The following GALNT15 variants were observed in gnomAD, a reference collection of about 807,000 sequenced individuals.
The protein encoded by GALNT15 is UDP-GalNAc transferase T15.
Under a neutral mutation model 66.8 loss-of-function variants are expected in GALNT15, and 67 were observed. That is an observed-to-expected ratio of 1.00 (90% CI 0.82 to 1.23). The LOEUF (loss-of-function observed/expected upper bound fraction) is 1.23. Among genes scored for constraint, GALNT15 ranks in the 50% most tolerant of loss-of-function variants. The pLI, the probability that GALNT15 is intolerant of heterozygous loss-of-function variation, is 0.00. For synonymous variants in GALNT15, 313 were observed against 311.5 expected, an observed-to-expected ratio of 1.00 and a Z score of -0.05; for missense variants, 827 against 804.3, an observed-to-expected ratio of 1.03 and a Z score of -0.34.
intron 3 of GALNT15, among the ~76,000 whole-genome samples, chr3:16,201,435 C>A (rs2063702360): frequency 6.6e-6 from 1 of 152,192 alleles, no homozygotes; most frequent in African/African-American, 2.4e-5. Context: ...CCCTCCTCAG[C>A]CTCCCAAAGT....
At position 16,225,874 on chromosome 3, in the gene GALNT15, C is replaced by G. The variant is rs2064007193; in HGVS notation, c.1774-1480C>G. Among the ~76,000 whole-genome samples, 1 of 151,482 alleles carries G rather than the reference C, an allele frequency of 6.6e-6. No individual in the cohort carries two copies. Among genetic ancestry groups the G allele is most frequent in the African/African-American group, 2.4e-5 (1 of 41,172 alleles). ...CAATATGGGTTTTTAGTAGAGAAAA[C>G]CCATCTCTACTAAAAATACAAAAAA... is the stretch of plus-strand genomic sequence containing the variant. On this transcript the variant is annotated intron_variant, in intron 9 of 9. Coordinates refer to ENST00000339732, the MANE Select transcript of GALNT15 (RefSeq NM_054110.5). This position sits in a 1 kb window ranked among gnomAD's most constrained non-coding sequence, Gnocchi z 4.4.
intron 1 of GALNT15, among the ~76,000 whole-genome samples, chr3:16,179,052 T>G (rs2063442990): frequency 6.6e-6 from 1 of 152,154 alleles, no homozygotes; most frequent in Non-Finnish European, 1.5e-5. Context: ...TTTGAATAGG[T>G]GGCATTTGAG....
chr3:16,193,218 AC>A lies in GALNT15; in HGVS notation c.540-2541del, dbSNP rs1485548225. On this transcript the variant is annotated intron_variant, in intron 1 of 9. Coordinates refer to ENST00000339732, the MANE Select transcript of GALNT15 (RefSeq NM_054110.5). The surrounding 1 kb of genome is among the most constrained non-coding windows in gnomAD (Gnocchi z 4.7). ...TGGTGATAATTCTGTTGCAGAATAA[AC>A]ATTTTACTTTGGCTACCAGGGATCT... is the stretch of plus-strand genomic sequence containing the variant. Among the ~76,000 whole-genome samples the A allele has an allele frequency of 6.6e-6, 1 of 152,226 alleles. No homozygotes were observed. Among genetic ancestry groups the A allele is most frequent in the Non-Finnish European group, 1.5e-5 (1 of 68,034 alleles).
At position 16,211,972 on chromosome 3, in the gene GALNT15, T is replaced by C. The variant is rs2063820427; in HGVS notation, c.1198-597T>C. On this transcript the variant is annotated intron_variant, in intron 5 of 9. Transcript: ENST00000339732. The surrounding 1 kb of genome is among the most constrained non-coding windows in gnomAD (Gnocchi z 4.3). ...GGAACTCCAGTTTTGGTGTTTCCAT[T>C]CATATGCTGCTTATCCTAGGACAGT... 6.6e-6 allele frequency among the ~76,000 whole-genome samples: 1 copy of C among 152,226 alleles called. No individual in the cohort carries two copies. Among genetic ancestry groups the C allele is most frequent in the Non-Finnish European group, 1.5e-5 (1 of 68,044 alleles).
Position 16,175,267 on chromosome 3 carries a change from C to A in GALNT15, c.116C>A (p.Thr39Asn). Reference protein sequence around the residue: ...MVAMLHPPHHTLHQTVTAQAS... With the variant: ...MVAMLHPPHHNLHQTVTAQAS... ...GCGATGTTGCACCCTCCCCACCACA[C>A]CCTGCACCAGACTGTCACAGCCCAA... Residue 39 changes from threonine (T) to asparagine (N), a missense_variant, in exon 1 of 10, where the codon ACC becomes AAC. Thr to Asn is a moderately conservative substitution (Grantham distance 65). Transcript: ENST00000339732. The surrounding 1 kb of genome is among the most constrained non-coding windows in gnomAD (Gnocchi z 5.6). The A allele has an allele frequency of 6.2e-7, 1 of 1,614,204 alleles. No homozygotes were observed. The highest frequency in any genetic ancestry group is 8.5e-7 in the Non-Finnish European group (1 of 1,180,042).
rs539226828 is a variant in GALNT15, at chr3:16,209,978, G to A, written c.1080-1146G>A. ...TTAGTATATTTGACTAAAGAGTGCC[G>A]GGCAGACCCCACTAGGACTGATGTG... On this transcript the variant is annotated intron_variant, in intron 4 of 9. Transcript: ENST00000339732. This position sits in a 1 kb window ranked among gnomAD's most constrained non-coding sequence, Gnocchi z 4.1. Among the ~76,000 whole-genome samples, 5 of 152,266 alleles carry A rather than the reference G, an allele frequency of 3.3e-5. No individual in the cohort carries two copies. Among genetic ancestry groups the A allele is most frequent in the East Asian group, 3.9e-4 (2 of 5,178 alleles).
intron 1 of GALNT15, among the ~76,000 whole-genome samples, chr3:16,194,941 T>G (rs1051749020): frequency 1.3e-5 from 2 of 152,252 alleles, no homozygotes; most frequent in Admixed American, 6.5e-5. Flanking sequence ...TGTTTACCTA[T>G]GTAGCAAACC....
intron 3 of GALNT15, among the ~76,000 whole-genome samples, chr3:16,205,380 A>G (rs1345278274): frequency 6.6e-6 from 1 of 152,220 alleles, no homozygotes; most frequent in Non-Finnish European, 1.5e-5. Flanking sequence ...TAGCTCTTGA[A>G]TATCTGGACA....
the GALNT15 span, among the ~76,000 whole-genome samples, chr3:16,244,265 T>A: frequency 6.6e-6 from 1 of 152,230 alleles, no homozygotes; most frequent in Admixed American, 6.5e-5. Flanking sequence ...GCCGATCCAT[T>A]TCCTGTCATT....
rs1559684191 is a variant in GALNT15 at position 16,203,519 on chromosome 3, ATTCTCTCT to A, written c.911+2697_911+2704del. On this transcript the variant is annotated intron_variant, in intron 3 of 9. Transcript: ENST00000339732. This position sits in a 1 kb window ranked among gnomAD's most constrained non-coding sequence, Gnocchi z 6.2. ...GTCTCTCTCTGTCTCTTGGTCACTC[ATTCTCTCT>A]CTCTCTCTCTCTCTCTCACACACAC... Among the ~76,000 whole-genome samples the A allele has an allele frequency of 1.6e-5, 1 of 61,168 alleles. No individual in the cohort carries two copies. The highest frequency in any genetic ancestry group is 7.0e-5 in the African/African-American group (1 of 14,330). 40.1% of individuals were successfully genotyped at this position (61,168 alleles called of 152,430 possible).
At chr3:16,231,950 C>T, downstream of GALNT15, 2 of 1,520,538 alleles carry the variant, frequency 1.3e-6, no homozygotes, top group Non-Finnish European at 1.8e-6. The surrounding 1 kb of genome is among the most constrained non-coding windows in gnomAD (Gnocchi z 4.1). Context: ...TCAAGGGTGG[C>T]ATTGTTTAAT....
chr3:16,218,780 G>A (rs2063907514), intron 6 of GALNT15, among the ~76,000 whole-genome samples: 2 of 144,212 alleles, frequency 1.4e-5, no homozygotes, highest in African/African-American at 5.1e-5. Context: ...AATCATTAAA[G>A]CACAGATATC....
chr3:16,206,673 A>T (rs981496760), intron 3 of GALNT15, among the ~76,000 whole-genome samples: 5 of 137,022 alleles, frequency 3.6e-5, no homozygotes, highest in African/African-American at 1.5e-4. Flanking sequence ...ACTCTGTCTA[A>T]AAAAAAAAAA....
At chr3:16,217,137 A>G (rs1295810045) in intron 6 of GALNT15, among the ~76,000 whole-genome samples, 1 of 152,248 alleles carries the variant, frequency 6.6e-6, no homozygotes, top group East Asian at 1.9e-4. Flanking sequence ...AACCTCTAAG[A>G]ACTCAGTAAC....
chr3:16,226,411 G>A (rs1575001457), intron 9 of GALNT15, among the ~76,000 whole-genome samples: 1 of 152,140 alleles, frequency 6.6e-6, no homozygotes. Flanking sequence ...AAAAAAAAGA[G>A]GTTTAATTGA....
At position 16,225,235 on chromosome 3, in the gene GALNT15, T is replaced by A. The variant is rs758501875; in HGVS notation, c.1774-2119T>A. On this transcript the variant is annotated intron_variant, in intron 9 of 9. Coordinates refer to ENST00000339732, the MANE Select transcript of GALNT15 (RefSeq NM_054110.5). The surrounding 1 kb of genome is among the most constrained non-coding windows in gnomAD (Gnocchi z 4.4). ...ACAGCACGAAGCCATGAGGGATCTG[T>A]CCCCATGATCCAAACATCCCCCACC... Among the ~76,000 whole-genome samples, 1 of 152,028 alleles carries A rather than the reference T, an allele frequency of 6.6e-6. No individual in the cohort carries two copies. The highest frequency in any genetic ancestry group is 1.5e-5 in the Non-Finnish European group (1 of 68,006).
Position 16,224,228 on chromosome 3 carries a change from C to A in GALNT15, c.1773+1470C>A, listed in dbSNP as rs1363103268. 6.6e-6 allele frequency among the ~76,000 whole-genome samples: 1 copy of A among 152,172 alleles called. No individual in the cohort carries two copies. The highest frequency in any genetic ancestry group is 1.5e-5 in the Non-Finnish European group (1 of 68,040). ...CCAGAAAAAGGAATGAGGTACTATT[C>A]ATAGTGGCACTGTTGACAATAGCCA... On this transcript the variant is annotated intron_variant, in intron 9 of 9. Transcript: ENST00000339732. This position sits in a 1 kb window ranked among gnomAD's most constrained non-coding sequence, Gnocchi z 5.2.
Position 16,211,304 on chromosome 3 carries a change from T to G in GALNT15, c.1197+63T>G. On this transcript the variant is annotated intron_variant, in intron 5 of 9. Coordinates refer to ENST00000339732, the MANE Select transcript of GALNT15 (RefSeq NM_054110.5). The surrounding 1 kb of genome is among the most constrained non-coding windows in gnomAD (Gnocchi z 4.3). ...CTGGAGTGGTGTGTATGGTCACAGCTCAGAGGCAGGCATTAGAAATGTCAC... is the reference window on the plus strand; with the variant it reads ...CTGGAGTGGTGTGTATGGTCACAGCGCAGAGGCAGGCATTAGAAATGTCAC... 1 of 1,016,266 alleles carries G rather than the reference T, an allele frequency of 9.8e-7. No individual in the cohort carries two copies. Among genetic ancestry groups the G allele is most frequent in the African/African-American group, 1.6e-5 (1 of 63,594 alleles). 63.0% of individuals were successfully genotyped at this position (1,016,266 alleles called of 1,614,324 possible).
chr3:16,235,198 C>T (rs909956655), downstream of GALNT15, among the ~76,000 whole-genome samples: 2 of 152,168 alleles, frequency 1.3e-5, no homozygotes, highest in African/African-American at 4.8e-5. Flanking sequence ...GCTGGGATTA[C>T]AGGTGTGAGC....
Sources: allele counts gnomAD v4.1 joint callset (sites outside exome capture counted in the v4.1 genomes callset), GRCh38; gene constraint gnomAD v4.1.1; non-coding constraint Gnocchi (gnomAD v3.1); transcripts MANE v1.5; gene names NCBI Gene and HGNC (gene_info 2026-07-23, HGNC 2026-07-21).